Variants in NR5A2 observed in about 807,000 individuals in gnomAD.
NR5A2 encodes the protein nuclear receptor subfamily 5 group A member 2, also known as CYP7A promoter-binding factor.
Under a neutral mutation model 62.7 loss-of-function variants are expected in NR5A2, and 26 were observed. That is an observed-to-expected ratio of 0.41 (90% confidence interval 0.30 to 0.58). NR5A2 has a LOEUF of 0.58. Among genes scored for constraint, NR5A2 ranks in the 20% least tolerant of loss-of-function variants. The pLI, the probability that NR5A2 is intolerant of heterozygous loss-of-function variation, is 0.22. For synonymous variants in NR5A2, 246 were observed against 241.7 expected (o/e 1.02, Z -0.16); for missense variants, 541 against 669.1 (o/e 0.81, Z 2.11).
intron 5 of NR5A2, among the ~76,000 whole-genome samples, chr1:200,103,099 A>C (rs1240248526): frequency 6.6e-6 from 1 of 150,516 alleles, no homozygotes; most frequent in East Asian, 1.9e-4. Context: ...GTGAAGATTA[A>C]ATGAGTTCAT....
intron 7 of NR5A2, among the ~76,000 whole-genome samples, chr1:200,138,185 T>A (rs752755476): frequency 3.3e-5 from 5 of 152,206 alleles, no homozygotes; most frequent in African/African-American, 4.8e-5. Context: ...TTTCTCCATG[T>A]CTTCCTGTAA....
intron 4 of NR5A2, among the ~76,000 whole-genome samples, 195 bp from the exon 5 acceptor site, chr1:200,047,977 G>A (rs1263157838): frequency 2.0e-5 from 3 of 152,000 alleles, no homozygotes; most frequent in Admixed American, 6.5e-5. Flanking sequence ...TTTTGATGAC[G>A]ACACACACTT....
At chr1:200,164,543 AAT>A in intron 7 of NR5A2, among the ~76,000 whole-genome samples, 1 of 150,632 alleles carries the variant, frequency 6.6e-6, no homozygotes, top group East Asian at 1.9e-4. Context: ...CATAGATTTT[AAT>A]AGACTTTTTT....
chr1:200,100,340 G>A (rs986012526), intron 5 of NR5A2, among the ~76,000 whole-genome samples: 1 of 140,416 alleles, frequency 7.1e-6, no homozygotes, highest in African/African-American at 2.5e-5. Context: ...TTATTTATTT[G>A]GATTTCAGTT....
intron 7 of NR5A2, among the ~76,000 whole-genome samples, chr1:200,164,140 C>T (rs901477903): frequency 1.3e-5 from 2 of 152,148 alleles, no homozygotes; most frequent in African/African-American, 4.8e-5. Flanking sequence ...CCCTCACCCG[C>T]CACCATGATT....
intron 7 of NR5A2, among the ~76,000 whole-genome samples, chr1:200,168,521 A>C (rs2690039): frequency 0.34 from 50,954 of 152,056 alleles, 9,143 homozygotes; most frequent in East Asian, 0.45. Context: ...TTGCCTATGA[A>C]AGCACAAAAT....
chr1:200,135,537 A>C (rs922722205), intron 7 of NR5A2, among the ~76,000 whole-genome samples: 12 of 151,694 alleles, frequency 7.9e-5, no homozygotes, highest in African/African-American at 2.9e-4. Flanking sequence ...AAAAAAAAGA[A>C]GAAGAAGAAG....
chr1:200,117,712 T>C (rs976273699), intron 6 of NR5A2, among the ~76,000 whole-genome samples: 2 of 150,608 alleles, frequency 1.3e-5, no homozygotes, highest in Non-Finnish European at 3.0e-5. Context: ...AGTGATTTTT[T>C]TTTCTTTTCT....
Position 200,112,851 on chromosome 1 carries a change from T to TACAAG in NR5A2, c.1230+1533_1230+1537dup, listed in dbSNP as rs1447165223. Among the ~76,000 whole-genome samples, 12 of 152,318 alleles carry TACAAG rather than the reference T, an allele frequency of 7.9e-5. 1 individual carries two copies. The highest frequency in any genetic ancestry group is 1.4e-4 in the African/African-American group (6 of 41,566). On this transcript the variant is annotated intron_variant, in intron 6 of 7. Transcript: ENST00000367362. ...ACCGAACTAGGAGCTGCATTGGAAG[T>TACAAG]ACAAGACTGGGCCCACTAATTAATT...
intron 7 of NR5A2, among the ~76,000 whole-genome samples, chr1:200,168,209 ACTTTTTT>A (rs1291096734): frequency 7.3e-6 from 1 of 136,528 alleles, no homozygotes; most frequent in Non-Finnish European, 1.6e-5. Context: ...CTTTATATCT[ACTTTTTT>A]TTTTTTTTTT....
intron 4 of NR5A2, among the ~76,000 whole-genome samples, chr1:200,046,747 G>T (rs1193802993): frequency 1.3e-5 from 2 of 152,154 alleles, no homozygotes; most frequent in African/African-American, 4.8e-5. Context: ...TGTGGTAGAT[G>T]CTTACTACAT....
chr1:200,172,855 T>C (rs1413365773), intron 7 of NR5A2, among the ~76,000 whole-genome samples: 2 of 151,874 alleles, frequency 1.3e-5, no homozygotes, highest in African/African-American at 2.4e-5. Flanking sequence ...CTCCATATTC[T>C]CTTTCTTATT....
At chr1:200,045,718 C>G (rs1662329002) in intron 4 of NR5A2, 134 bp downstream of exon 4, 1 of 642,122 alleles carries the variant, frequency 1.6e-6, no homozygotes, top group Non-Finnish European at 2.4e-6. Context: ...TAAGATCTTT[C>G]TATGTTTCAT....
chr1:200,140,705 A>G (rs1040263770), intron 7 of NR5A2, among the ~76,000 whole-genome samples: 3 of 152,210 alleles, frequency 2.0e-5, no homozygotes, highest in African/African-American at 7.2e-5. Context: ...AATTTCTCCA[A>G]TGGCAACATC....
In NR5A2 at chr1:200,102,938, A is replaced by G. The variant is rs552758718; in HGVS notation, c.1111-8264A>G. On this transcript the variant is annotated intron_variant, in intron 5 of 7. Coordinates refer to ENST00000367362, the MANE Select transcript of NR5A2 (RefSeq NM_205860.3). The stretch of plus-strand genomic sequence containing the variant: ...GATATTTTAGGTAAGGTATAATGCT[A>G]TATGCCTTGTTGCTAGGACCATGAA... Among the ~76,000 whole-genome samples the G allele has an allele frequency of 4.6e-5, 7 of 152,222 alleles. No individual in the cohort carries two copies. In the South Asian group the frequency reaches 1.5e-3, roughly 32 times the overall value.
At chr1:200,129,650 G>A (rs762102275) in intron 7 of NR5A2, among the ~76,000 whole-genome samples, 3 of 152,216 alleles carry the variant, frequency 2.0e-5, no homozygotes, top group Admixed American at 6.5e-5. Flanking sequence ...ATTGTGCAGT[G>A]GAGGGTGTGA....
At chr1:200,070,178 G>A (rs1308788009) in intron 5 of NR5A2, among the ~76,000 whole-genome samples, 1 of 152,052 alleles carries the variant, frequency 6.6e-6, no homozygotes, top group Non-Finnish European at 1.5e-5. Flanking sequence ...CTACTTTCCT[G>A]TTCATAATAA....
intron 7 of NR5A2, among the ~76,000 whole-genome samples, chr1:200,129,586 AG>A (rs1268080409): frequency 8.5e-5 from 13 of 152,226 alleles, no homozygotes; most frequent in African/African-American, 2.9e-4. Context: ...CACCATGCAT[AG>A]CCTCTTCACC....
intron 7 of NR5A2, among the ~76,000 whole-genome samples, chr1:200,164,902 G>C (rs1459508433): frequency 9.1e-6 from 1 of 109,422 alleles, no homozygotes; most frequent in African/African-American, 3.8e-5. Context: ...TTTAGACGGA[G>C]TCTTACTCTT....
Sources: allele counts gnomAD v4.1 joint callset (sites outside exome capture counted in the v4.1 genomes callset), GRCh38; gene constraint gnomAD v4.1.1; transcripts MANE v1.5; gene names NCBI Gene and HGNC (gene_info 2026-07-23, HGNC 2026-07-21).